AP5Z1: variants seen among roughly 807,000 people sequenced by gnomAD.
The protein encoded by AP5Z1 is adaptor related protein complex 5 subunit zeta 1, also known as AP-5 complex subunit zeta-1.
Under a neutral mutation model 83.0 loss-of-function variants are expected in AP5Z1, and 106 were observed. The ratio of observed to expected loss-of-function variants is 1.28; its 90% confidence interval spans 1.09 to 1.50. The LOEUF is 1.50. AP5Z1 is among the 40% of genes most tolerant of loss of function. The pLI is 0.00. For missense variants in AP5Z1, 1,565 were observed against 1,094.2 expected, an observed-to-expected ratio of 1.43 and a Z score of -6.07; for synonymous variants, 751 against 514.1, an observed-to-expected ratio of 1.46 and a Z score of -6.23.
chr7:4,777,548 C>T (rs1028063402), intron 1 of AP5Z1, among the ~76,000 whole-genome samples: 14 of 152,128 alleles, frequency 9.2e-5, no homozygotes, highest in East Asian at 3.9e-4. Flanking sequence ...CCACCACACC[C>T]GGCTGATTTT....
In AP5Z1 at chr7:4,787,891, C is replaced by G. The variant is rs1781604840; in HGVS notation, c.1454+115C>G. On this transcript the variant is annotated intron_variant, in intron 11 of 16. Coordinates refer to ENST00000649063, the MANE Select transcript of AP5Z1 (RefSeq NM_014855.3). ...CCGGGGACCCTCCTTCTTCCCCCCC[C>G]AACACCTGACCAGTCCTCCCCTGCA... The G allele has an allele frequency of 2.1e-5, 27 of 1,313,944 alleles. No homozygotes were observed. The South Asian group carries it at 3.8e-4, about 19-fold the overall frequency. The allele number at this position is 1,313,944 out of a possible 1,614,324, so 81.4% of individuals were successfully genotyped here.
Position 4,778,193 on chromosome 7 carries a change from C to G in AP5Z1, c.41+2437C>G, listed in dbSNP as rs201407809. 2.0e-4 allele frequency among the ~76,000 whole-genome samples: 31 copies of G among 152,292 alleles called. No homozygotes were observed. The East Asian group carries it at 5.8e-3, about 28-fold the overall frequency. ...TAAGCTATGATGGTGCCACTGCACT[C>G]CAGCTCGGGTGACAGAGGGAGACCC... On this transcript the variant is annotated intron_variant, in intron 1 of 16. Transcript: ENST00000649063.
chr7:4,787,589 T>G, intron 10 of AP5Z1, 45 bp from the exon 11 acceptor site: 2 of 1,527,742 alleles, frequency 1.3e-6, no homozygotes, highest in African/African-American at 1.4e-5. Flanking sequence ...TGCCGCCTGC[T>G]CCACAGCTCC....
In AP5Z1 at chr7:4,783,414, C is replaced by A. The variant is rs758859483; in HGVS notation, c.465C>A (p.Pro155=). Residue 155 remains proline (P), a synonymous_variant, in exon 4 of 17, where the codon CCC becomes CCA. Coordinates refer to ENST00000649063, the MANE Select transcript of AP5Z1 (RefSeq NM_014855.3). ...PEGPSLRHLL[P]VMAKVVVLSP... ...GACCCAGCCTCAGACACCTCCTCCC[C>A]GTCATGGCCAAGGTCGTGGTCCTCA... is the stretch of plus-strand genomic sequence containing the variant. The A allele has an allele frequency of 6.2e-7, 1 of 1,612,986 alleles. No homozygotes were observed. The highest frequency in any genetic ancestry group is 1.7e-5 in the Admixed American group (1 of 59,998).
At chr7:4,783,284 G>A in intron 3 of AP5Z1, 32 bp from the exon 4 acceptor site, 2 of 1,566,720 alleles carry the variant, frequency 1.3e-6, no homozygotes, top group Non-Finnish European at 1.7e-6. Flanking sequence ...GCACAGGCCA[G>A]TACCCCAGCG....
chr7:4,780,957 A>G (rs1006914155), intron 1 of AP5Z1, among the ~76,000 whole-genome samples: 2 of 152,178 alleles, frequency 1.3e-5, no homozygotes, highest in African/African-American at 4.8e-5. Flanking sequence ...GATTCGTCAT[A>G]GTGCGCTGCA....
chr7:4,790,618 C>T (rs745391440), intron 15 of AP5Z1, 27 bp downstream of exon 15: 1 of 1,612,304 alleles, frequency 6.2e-7, no homozygotes, highest in Non-Finnish European at 8.5e-7. Context: ...CCTCCCACAG[C>T]CGCTCCTGAC....
chr7:4,790,670 T>A lies in AP5Z1; in HGVS notation c.1939-3T>A. 1 of 1,612,256 alleles carries A rather than the reference T, an allele frequency of 6.2e-7. No individual in the cohort carries two copies. Among genetic ancestry groups the A allele is most frequent in the Non-Finnish European group, 8.5e-7 (1 of 1,179,698 alleles). ...GGGGCTGAATCTCTGTCCCCGGGCC[T>A]AGGTGTGGGCCATCGGCGAGTACCT... On this transcript the variant is annotated splice_region_variant and splice_polypyrimidine_tract_variant and intron_variant, in intron 15 of 16. Transcript: ENST00000649063.
rs73305394 is a variant in AP5Z1 at position 4,791,590 on chromosome 7, G to A, written c.*205G>A. 0.016 allele frequency: 12,009 copies of A among 746,034 alleles called. 1,017 individuals carry two copies. The African/African-American group carries it at 0.19, about 12-fold the overall frequency. 46.2% of individuals were successfully genotyped at this position (746,034 alleles called of 1,614,324 possible). A position where few individuals can be genotyped will look rare whatever the true frequency, so the allele number is the denominator to read the frequency against. On this transcript the variant is annotated 3_prime_UTR_variant, in exon 17 of 17. Coordinates refer to ENST00000649063, the MANE Select transcript of AP5Z1 (RefSeq NM_014855.3). Reference sequence around the variant, plus strand: ...TTTGTCTCCGAGCCTTTTGCTCCCAGGCAACACTGAGCTGAGCTGAGGGGT... The same window carrying A: ...TTTGTCTCCGAGCCTTTTGCTCCCAAGCAACACTGAGCTGAGCTGAGGGGT...
At chr7:4,788,092 CG>C in intron 11 of AP5Z1, 61 bp from the exon 12 acceptor site, 2 of 1,459,154 alleles carry the variant, frequency 1.4e-6, no homozygotes, top group African/African-American at 1.4e-5. Flanking sequence ...GTCTCCCTGA[CG>C]GGGGTGCCCT....
At position 4,791,425 on chromosome 7, in the gene AP5Z1, T is replaced by C. The variant is rs1257602616; in HGVS notation, c.*40T>C. ...GGGACTTCGGTGCAGATTAAGAGCC[T>C]GGGCAGCCAGCTTGCTACTGAGGCC... On this transcript the variant is annotated 3_prime_UTR_variant, in exon 17 of 17. Transcript: ENST00000649063. 1.3e-6 allele frequency: 2 copies of C among 1,557,040 alleles called. No homozygotes were observed. Among genetic ancestry groups the C allele is most frequent in the Admixed American group, 3.7e-5 (2 of 54,408 alleles).
chr7:4,779,774 G>A (rs1313190207), intron 1 of AP5Z1, among the ~76,000 whole-genome samples: 2 of 151,940 alleles, frequency 1.3e-5, no homozygotes, highest in African/African-American at 4.8e-5. Flanking sequence ...CTGAGTAGCT[G>A]GGATTACAGG....
intron 5 of AP5Z1, among the ~76,000 whole-genome samples, 169 bp from the exon 6 acceptor site, chr7:4,784,034 C>T (rs552416344): frequency 6.6e-6 from 1 of 152,132 alleles, no homozygotes; most frequent in Non-Finnish European, 1.5e-5. Flanking sequence ...CGACGCGCGT[C>T]TGCCTGGGGG....
rs1583244296 is a variant in AP5Z1, at chr7:4,791,828, A to C, written c.*443A>C. ...CCTGGGGAGAGGACCAGGGATGGGA[A>C]CCCCTGGCAGCTGCTGCCAGTCCTG... On this transcript the variant is annotated 3_prime_UTR_variant, in exon 17 of 17. Transcript: ENST00000649063. The C allele has an allele frequency of 1.2e-5, 2 of 160,710 alleles. No individual in the cohort carries two copies. Among genetic ancestry groups the C allele is most frequent in the Non-Finnish European group, 1.3e-5 (1 of 74,230 alleles). The allele number at this position is 160,710 out of a possible 1,614,324, so 10.0% of individuals were successfully genotyped here.
rs549657472 is a variant in AP5Z1 at position 4,790,424 on chromosome 7, G to A, written c.1806-35G>A. 6 of 1,612,526 alleles carry A rather than the reference G, an allele frequency of 3.7e-6. No individual in the cohort carries two copies. The Admixed American group carries it at 5.0e-5, about 13-fold the overall frequency. Reference sequence around the variant, plus strand: ...TGGATGGGGATGGGGTCATAGGTCTGCACAGAGCAGGCGTAGACCCGGCTT... The same window carrying A: ...TGGATGGGGATGGGGTCATAGGTCTACACAGAGCAGGCGTAGACCCGGCTT... On this transcript the variant is annotated intron_variant, in intron 14 of 16. Coordinates refer to ENST00000649063, the MANE Select transcript of AP5Z1 (RefSeq NM_014855.3).
intron 10 of AP5Z1, among the ~76,000 whole-genome samples, chr7:4,787,251 G>A (rs780251762): frequency 2.0e-5 from 3 of 151,902 alleles, no homozygotes; most frequent in African/African-American, 2.4e-5. Flanking sequence ...CCAGCACCTC[G>A]GGAGGCCAAG....
intron 1 of AP5Z1, among the ~76,000 whole-genome samples, chr7:4,780,722 T>A (rs905705675): frequency 6.6e-6 from 1 of 152,076 alleles, no homozygotes; most frequent in African/African-American, 2.4e-5. Flanking sequence ...GCCGAGATCA[T>A]GACACTATAT....
In AP5Z1 at chr7:4,781,280, C is replaced by T. The variant is rs772962496; in HGVS notation, c.147C>T (p.Phe49=). 2 of 1,613,742 alleles carry T rather than the reference C, an allele frequency of 1.2e-6. No homozygotes were observed. Among genetic ancestry groups the T allele is most frequent in the South Asian group, 1.1e-5 (1 of 91,072 alleles). The change falls in exon 2 of 17, where the codon TTC becomes TTT. Residue 49 remains phenylalanine, a synonymous_variant. Transcript: ENST00000649063. ...CCCTCGACTCCCTGCAGAGGCTCTTCCTCATCATCTCAGCCACGAAGTACA... is the reference window on the plus strand; with the variant it reads ...CCCTCGACTCCCTGCAGAGGCTCTTTCTCATCATCTCAGCCACGAAGTACA... ...PDTLDSLQRL[F]LIISATKYSR...
Position 4,788,060 on chromosome 7 carries a change from A to C in AP5Z1, c.1455-94A>C, listed in dbSNP as rs1781612013. 4 of 1,437,554 alleles carry C rather than the reference A, an allele frequency of 2.8e-6. No individual in the cohort carries two copies. In the Admixed American group the frequency reaches 8.2e-5, roughly 29 times the overall value. 89.0% of individuals were successfully genotyped at this position (1,437,554 alleles called of 1,614,324 possible). ...CCTTCCTGGCACCCGAGGTGCTGTGATATTAGGGACACCTGCCGTGTGTCT... is the reference window on the plus strand; with the variant it reads ...CCTTCCTGGCACCCGAGGTGCTGTGCTATTAGGGACACCTGCCGTGTGTCT... On this transcript the variant is annotated intron_variant, in intron 11 of 16. Transcript: ENST00000649063.
Sources: gnomAD v4.1 joint callset for allele counts (sites outside exome capture counted in the v4.1 genomes callset) on GRCh38, gnomAD v4.1.1 for gene constraint, MANE v1.5 for transcripts, NCBI Gene and HGNC (gene_info 2026-07-23, HGNC 2026-07-21) for gene names.